Variants in SLC39A9 observed in about 807,000 individuals in gnomAD.
The protein encoded by SLC39A9 is solute carrier family 39 member 9.
A neutral mutation model predicts 28.4 loss-of-function variants in SLC39A9; 14 were observed. That is an observed-to-expected ratio of 0.49 (90% CI 0.33 to 0.77). SLC39A9 has a LOEUF of 0.77. Ranked by LOEUF, SLC39A9 falls within the 30% of genes least tolerant of loss-of-function variation. The pLI is 0.02. For synonymous variants in SLC39A9, 119 were observed against 149.6 expected (o/e 0.80, Z 1.49); for missense variants, 283 against 381.1 (o/e 0.74, Z 2.14).
chr14:69,433,715 T>G (rs1884601928), intron 2 of SLC39A9, among the ~76,000 whole-genome samples: 1 of 152,182 alleles, frequency 6.6e-6, no homozygotes, highest in South Asian at 2.1e-4. Flanking sequence ...TTTTTAAAGT[T>G]TCTTTAGGTG....
At chr14:69,404,360 A>G (rs1417384359) in intron 1 of SLC39A9, among the ~76,000 whole-genome samples, 2 of 152,208 alleles carry the variant, frequency 1.3e-5, no homozygotes, top group African/African-American at 2.4e-5. Flanking sequence ...TTCAAAGTCA[A>G]TGTTACTACT....
rs534613449 is a variant in SLC39A9 at position 69,451,644 on chromosome 14, A to G, written c.404-1597A>G. ...GAGGTGGTGTATAGAGGAACCTTTG[A>G]AGACTGCCTGCATAGATCACTAGGT... is the stretch of plus-strand genomic sequence containing the variant. On this transcript the variant is annotated intron_variant, in intron 3 of 6. Transcript: ENST00000336643. Among the ~76,000 whole-genome samples, 17 of 152,308 alleles carry G rather than the reference A, an allele frequency of 1.1e-4. No homozygotes were observed. The South Asian group carries it at 3.3e-3, about 30-fold the overall frequency.
At position 69,399,511 on chromosome 14, in the gene SLC39A9, ATAG is replaced by A. The variant is rs751259393; in HGVS notation, c.96+51_96+53del. On this transcript the variant is annotated intron_variant, in intron 1 of 6. Transcript: ENST00000336643. The stretch of plus-strand genomic sequence containing the variant: ...TGTCAGCTGTCAGGATGGCTGTGAG[ATAG>A]TAGTTTTAGTTGCAAAGGGAAGCTG... The A allele has an allele frequency of 1.4e-5, 22 of 1,530,638 alleles. No individual in the cohort carries two copies. In the South Asian group the frequency reaches 2.4e-4, roughly 17 times the overall value. The allele number at this position is 1,530,638 out of a possible 1,614,324, so 94.8% of individuals were successfully genotyped here.
chr14:69,408,271 C>T (rs1400509824), intron 1 of SLC39A9, among the ~76,000 whole-genome samples: 4 of 152,300 alleles, frequency 2.6e-5, no homozygotes, highest in South Asian at 2.1e-4. Context: ...CCTTGGCCTC[C>T]GGAAGTGCTG....
chr14:69,404,857 A>G (rs922536169), intron 1 of SLC39A9, among the ~76,000 whole-genome samples: 1 of 152,102 alleles, frequency 6.6e-6, no homozygotes. Flanking sequence ...TTGTGTCTGT[A>G]TTAGTCCATT....
chr14:69,431,596 G>T (rs1368049172), intron 2 of SLC39A9, among the ~76,000 whole-genome samples: 1 of 151,274 alleles, frequency 6.6e-6, no homozygotes, highest in Admixed American at 6.6e-5. Context: ...GATTCAGGGG[G>T]TACATGTACA....
rs1236369985 is a variant in SLC39A9, at chr14:69,461,130, A to G, written c.*2537A>G. The stretch of plus-strand genomic sequence containing the variant: ...CAATACTTAAGTTGCTGCCATGATT[A>G]CAGATGGAATTATTGGCTACCAAAG... On this transcript the variant is annotated 3_prime_UTR_variant, in exon 7 of 7. Transcript: ENST00000336643. 1.0e-6 allele frequency: 1 copy of G among 987,068 alleles called. No individual in the cohort carries two copies. Among genetic ancestry groups the G allele is most frequent in the East Asian group, 1.1e-4 (1 of 8,860 alleles). 61.1% of individuals were successfully genotyped at this position (987,068 alleles called of 1,614,324 possible).
chr14:69,444,190 C>CA (rs200059318), intron 3 of SLC39A9, among the ~76,000 whole-genome samples: 32 of 151,350 alleles, frequency 2.1e-4, no homozygotes, highest in African/African-American at 7.8e-4. Flanking sequence ...GATCCCATCT[C>CA]AAAAAAAATA....
chr14:69,439,523 C>A (rs1412569967), intron 2 of SLC39A9, among the ~76,000 whole-genome samples: 3 of 152,094 alleles, frequency 2.0e-5, no homozygotes, highest in Non-Finnish European at 4.4e-5. Context: ...ATCCGTAGTA[C>A]CCAAAGTGAT....
chr14:69,427,131 T>G (rs1238291796), intron 2 of SLC39A9, among the ~76,000 whole-genome samples: 1 of 151,790 alleles, frequency 6.6e-6, no homozygotes, highest in Non-Finnish European at 1.5e-5. Context: ...GCCTCCCAAG[T>G]AGCTGGGACT....
Position 69,455,820 on chromosome 14 carries a change from T to G in SLC39A9, c.647T>G (p.Leu216Trp). ...RIRKHLLVFA[L>W]AAPVMSMVTY... ...AGAAAGCACTTGCTGGTCTTTGCAT[T>G]GGCAGCACCAGTTATGTCCATGGTG... is the stretch of plus-strand genomic sequence containing the variant. Residue 216 changes from leucine to tryptophan, a missense_variant, in exon 6 of 7, where the codon TTG becomes TGG. Coordinates refer to ENST00000336643, the MANE Select transcript of SLC39A9 (RefSeq NM_018375.5). 1 of 1,614,216 alleles carries G rather than the reference T, an allele frequency of 6.2e-7. No individual in the cohort carries two copies. The highest frequency in any genetic ancestry group is 8.5e-7 in the Non-Finnish European group (1 of 1,180,028).
intron 2 of SLC39A9, among the ~76,000 whole-genome samples, chr14:69,438,409 G>A (rs941980872): frequency 2.6e-5 from 4 of 152,116 alleles, no homozygotes; most frequent in South Asian, 2.1e-4. Flanking sequence ...CTATGGTTTC[G>A]TTCTTCTGTG....
At chr14:69,439,158 G>T (rs1011875133) in intron 2 of SLC39A9, among the ~76,000 whole-genome samples, 2 of 152,040 alleles carry the variant, frequency 1.3e-5, no homozygotes, top group African/African-American at 2.4e-5. Context: ...ATTTGAAAAA[G>T]AAACTATGAA....
intron 1 of SLC39A9, among the ~76,000 whole-genome samples, chr14:69,421,672 C>G (rs534290528): frequency 2.6e-5 from 4 of 152,184 alleles, no homozygotes; most frequent in Non-Finnish European, 5.9e-5. Flanking sequence ...GTTCGAGCTT[C>G]CCGGCCATTT....
In SLC39A9 at chr14:69,459,639, G is replaced by C; in HGVS notation, c.*1046G>C. 2 of 983,924 alleles carry C rather than the reference G, an allele frequency of 2.0e-6. No individual in the cohort carries two copies. The highest frequency in any genetic ancestry group is 4.7e-5 in the South Asian group (1 of 21,242). The allele number at this position is 983,924 out of a possible 1,614,324, so 60.9% of individuals were successfully genotyped here. A position where few individuals can be genotyped will look rare whatever the true frequency, so the allele number is the denominator to read the frequency against. On this transcript the variant is annotated 3_prime_UTR_variant, in exon 7 of 7. Coordinates refer to ENST00000336643, the MANE Select transcript of SLC39A9 (RefSeq NM_018375.5). ...ATACTAGGTCAGCTTTGGCGACACT[G>C]TGTCTTCTCACATAACCACCTGTAG... is the stretch of plus-strand genomic sequence containing the variant.
chr14:69,448,243 A>G (rs1885439633), intron 3 of SLC39A9, among the ~76,000 whole-genome samples: 1 of 151,676 alleles, frequency 6.6e-6, no homozygotes, highest in Non-Finnish European at 1.5e-5. Flanking sequence ...AGCACAAAAA[A>G]AAATTAAACT....
chr14:69,426,596 C>G (rs1213443567), intron 2 of SLC39A9, among the ~76,000 whole-genome samples: 1 of 152,170 alleles, frequency 6.6e-6, no homozygotes, highest in African/African-American at 2.4e-5. Context: ...GAACCCTGTC[C>G]TCTTGGGTTT....
At chr14:69,433,630 G>T (rs1884598047) in intron 2 of SLC39A9, among the ~76,000 whole-genome samples, 1 of 152,162 alleles carries the variant, frequency 6.6e-6, no homozygotes. Flanking sequence ...ATATAGGACT[G>T]TTCAAGTTAC....
Position 69,460,134 on chromosome 14 carries a change from A to G in SLC39A9, c.*1541A>G. 2 of 984,760 alleles carry G rather than the reference A, an allele frequency of 2.0e-6. No homozygotes were observed. The highest frequency in any genetic ancestry group is 2.4e-6 in the Non-Finnish European group (2 of 828,968). The allele number at this position is 984,760 out of a possible 1,614,324, so 61.0% of individuals were successfully genotyped here. ...TTAATTTATTTTTACTTTCTATACC[A>G]TTTCAAAACACATTACACTAAGGGG... On this transcript the variant is annotated 3_prime_UTR_variant, in exon 7 of 7. Coordinates refer to ENST00000336643, the MANE Select transcript of SLC39A9 (RefSeq NM_018375.5).
Sources: allele counts gnomAD v4.1 joint callset (sites outside exome capture counted in the v4.1 genomes callset), GRCh38; gene constraint gnomAD v4.1.1; transcripts MANE v1.5; gene names NCBI Gene and HGNC (gene_info 2026-07-23, HGNC 2026-07-21).